The following ARHGEF4 variants were observed in gnomAD, a reference collection of about 807,000 sequenced individuals.
ARHGEF4 encodes the protein APC-stimulated guanine nucleotide exchange factor 1.
ARHGEF4 carries 119 observed loss-of-function variants against 162.0 expected under a neutral mutation model. The observed-to-expected ratio is 0.73, with a 90% CI of 0.63 to 0.86. The LOEUF is 0.86. Ranked by LOEUF, ARHGEF4 falls within the 40% of genes least tolerant of loss-of-function variation. The pLI is 0.00. For missense variants in ARHGEF4, 2,488 were observed against 2,456.0 expected (o/e 1.01, Z -0.28); for synonymous variants, 1,014 against 979.9 (o/e 1.03, Z -0.65).
chr2:130,955,556 C>T (rs569346010), intron 4 of ARHGEF4, among the ~76,000 whole-genome samples: 1 of 152,282 alleles, frequency 6.6e-6, no homozygotes, highest in Non-Finnish European at 1.5e-5. Flanking sequence ...CCACAGTCAC[C>T]CATGGATGGC....
intron 1 of ARHGEF4, among the ~76,000 whole-genome samples, chr2:130,864,341 G>T (rs1198055405): frequency 1.3e-5 from 2 of 152,152 alleles, no homozygotes; most frequent in African/African-American, 4.8e-5. Flanking sequence ...GGATCAGCAG[G>T]TCTATAGAGA....
intron 2 of ARHGEF4, chr2:130,929,899 AT>A (rs35335067): frequency 3.4e-5 from 5 of 148,332 alleles, no homozygotes; most frequent in African/African-American, 7.4e-5. Context: ...ATACTTTTTC[AT>A]TTTTTTTTTT....
intron 3 of ARHGEF4, among the ~76,000 whole-genome samples, chr2:130,945,111 T>G (rs1360500216): frequency 6.6e-6 from 1 of 152,046 alleles, no homozygotes; most frequent in Admixed American, 6.5e-5. Context: ...CTGTTCAGGG[T>G]CAGATCCACT....
intron 3 of ARHGEF4, among the ~76,000 whole-genome samples, chr2:130,932,858 C>T (rs568466618): frequency 6.6e-5 from 10 of 152,036 alleles, no homozygotes; most frequent in African/African-American, 2.2e-4. Context: ...ATGTAGTTAC[C>T]CAAACACCAT....
At chr2:130,970,701 G>A (rs992590836) in intron 4 of ARHGEF4, among the ~76,000 whole-genome samples, 1 of 151,906 alleles carries the variant, frequency 6.6e-6, no homozygotes, top group Non-Finnish European at 1.5e-5. Flanking sequence ...TCATGTGGGT[G>A]TTTGGCATAT....
At chr2:130,845,376 T>G (rs1680889786) in intron 1 of ARHGEF4, among the ~76,000 whole-genome samples, 1 of 151,948 alleles carries the variant, frequency 6.6e-6, no homozygotes. Flanking sequence ...CGTGGCATGG[T>G]GCACACACCT....
rs1022986325 is a variant in ARHGEF4 at position 131,021,885 on chromosome 2, A to G, written c.3986-6060A>G. Reference sequence around the variant, plus strand: ...ATGTTTTATCGTAAAAACTTGGTCAATGCTTTTTCTGCATAGATTGAGATA... The same window carrying G: ...ATGTTTTATCGTAAAAACTTGGTCAGTGCTTTTTCTGCATAGATTGAGATA... On this transcript the variant is annotated intron_variant, in intron 4 of 13. Transcript: ENST00000409359. 7.2e-5 allele frequency among the ~76,000 whole-genome samples: 11 copies of G among 152,304 alleles called. 1 individual carries two copies. The highest frequency in any genetic ancestry group is 4.1e-4 in the South Asian group (2 of 4,820).
intron 4 of ARHGEF4, among the ~76,000 whole-genome samples, chr2:130,996,266 C>T (rs983269745): frequency 6.6e-5 from 10 of 152,164 alleles, no homozygotes; most frequent in African/African-American, 1.9e-4. Context: ...CCTGCACACT[C>T]GGCTTACCTG....
intron 4 of ARHGEF4, among the ~76,000 whole-genome samples, chr2:130,950,833 A>G (rs2105161243): frequency 6.6e-6 from 1 of 152,232 alleles, no homozygotes; most frequent in East Asian, 1.9e-4. Flanking sequence ...AGGTTCTTCC[A>G]CATGTCACAT....
At chr2:130,995,521 T>C (rs965612080) in intron 4 of ARHGEF4, among the ~76,000 whole-genome samples, 12 of 152,220 alleles carry the variant, frequency 7.9e-5, no homozygotes, top group African/African-American at 2.9e-4. Flanking sequence ...CTGTTGTGCA[T>C]GTTGCCTCTC....
At chr2:130,943,254 TTAA>T (rs1235979359) in intron 3 of ARHGEF4, among the ~76,000 whole-genome samples, 4 of 152,202 alleles carry the variant, frequency 2.6e-5, no homozygotes, top group Non-Finnish European at 2.9e-5. Context: ...TTGTCTGATA[TTAA>T]TATAGCCATT....
chr2:130,992,988 G>C (rs1687143985), intron 4 of ARHGEF4, among the ~76,000 whole-genome samples: 1 of 152,214 alleles, frequency 6.6e-6, no homozygotes, highest in Admixed American at 6.5e-5. Flanking sequence ...GGAGGCTGAG[G>C]CAGGGGAATC....
intron 1 of ARHGEF4, among the ~76,000 whole-genome samples, chr2:130,893,290 C>T (rs1182619147): frequency 2.0e-5 from 3 of 152,188 alleles, no homozygotes; most frequent in African/African-American, 7.2e-5. Context: ...GAGGGGAGTT[C>T]CCTGAAACTG....
rs1043149304 is a variant in ARHGEF4 at position 130,929,563 on chromosome 2, T to C, written c.3553-1389T>C. On this transcript the variant is annotated intron_variant, in intron 2 of 13. Transcript: ENST00000409359. Reference sequence around the variant, plus strand: ...TACAATTTCTACCATAAAAATAAACTCTATCGAGGAGCTTTATTTAAAATA... The same window carrying C: ...TACAATTTCTACCATAAAAATAAACCCTATCGAGGAGCTTTATTTAAAATA... 1.6e-4 allele frequency among the ~76,000 whole-genome samples: 24 copies of C among 152,222 alleles called. 1 individual carries two copies. Among genetic ancestry groups the C allele is most frequent in the African/African-American group, 5.5e-4 (23 of 41,544 alleles).
Position 130,916,427 on chromosome 2 carries a change from A to C in ARHGEF4, c.2481A>C (p.Ser827=). The C allele has an allele frequency of 2.0e-6, 3 of 1,536,464 alleles. No homozygotes were observed. Among genetic ancestry groups the C allele is most frequent in the Non-Finnish European group, 2.6e-6 (3 of 1,144,052 alleles). ...CCGAGGGTCGCCGCTGGGGCTCTTC[A>C]GGCCCCGAGGGGCTCCCCAGGGAGA... ...PTTEGRRWGS[S]GPEGLPRENP... The change falls in exon 2 of 14, where the codon TCA becomes TCC. Residue 827 remains serine, a synonymous_variant. Coordinates refer to ENST00000409359, the MANE Select transcript of ARHGEF4 (RefSeq NM_001367493.1).
intron 3 of ARHGEF4, among the ~76,000 whole-genome samples, chr2:130,935,855 T>G (rs59343283): frequency 6.6e-6 from 1 of 152,130 alleles, no homozygotes; most frequent in Non-Finnish European, 1.5e-5. Context: ...TCACTTGAGG[T>G]CAGGAGTTCG....
At chr2:130,843,616 C>T (rs1408045171) in intron 1 of ARHGEF4, among the ~76,000 whole-genome samples, 1 of 152,262 alleles carries the variant, frequency 6.6e-6, no homozygotes, top group Non-Finnish European at 1.5e-5. Flanking sequence ...CTGTGCTTTT[C>T]CTCCAGACCC....
At chr2:130,913,856 C>T in intron 1 of ARHGEF4, 130 bp from the exon 2 acceptor site, 1 of 1,125,720 alleles carries the variant, frequency 8.9e-7, no homozygotes. Flanking sequence ...ACCTCCCTTC[C>T]TAGGGGTACA....
intron 3 of ARHGEF4, among the ~76,000 whole-genome samples, chr2:130,943,318 A>G (rs1053809024): frequency 6.6e-6 from 1 of 151,966 alleles, no homozygotes; most frequent in Non-Finnish European, 1.5e-5. Context: ...TCACCCTTTT[A>G]CTTTCTACCT....
Sources: allele counts gnomAD v4.1 joint callset (sites outside exome capture counted in the v4.1 genomes callset), GRCh38; gene constraint gnomAD v4.1.1; transcripts MANE v1.5; gene names NCBI Gene and HGNC (gene_info 2026-07-23, HGNC 2026-07-21).